RAD18: variants seen among roughly 807,000 people sequenced by gnomAD.
RAD18 encodes the protein RAD18 E3 ubiquitin protein ligase.
A neutral mutation model predicts 60.4 loss-of-function variants in RAD18; 47 were observed. That is an observed-to-expected ratio of 0.78 (90% confidence interval 0.62 to 0.99). The LOEUF (loss-of-function observed/expected upper bound fraction) is 0.99, where lower values mean the gene tolerates loss of function less well. Ranked by LOEUF, RAD18 falls within the 50% of genes least tolerant of loss-of-function variation. The pLI is 0.00. For synonymous variants in RAD18, 225 were observed against 195.5 expected (o/e 1.15, Z -1.26); for missense variants, 640 against 593.3 (o/e 1.08, Z -0.82).
chr3:8,890,481 G>C, intron 11 of RAD18, 30 bp from the exon 12 acceptor site: 1 of 1,473,894 alleles, frequency 6.8e-7, no homozygotes. Context: ...AGTATTGACA[G>C]ACAACAAGAA....
chr3:8,941,492 T>A lies in RAD18; in HGVS notation c.579A>T (p.Thr193=). The A allele has an allele frequency of 6.2e-7, 1 of 1,609,594 alleles. No homozygotes were observed. Among genetic ancestry groups the A allele is most frequent in the Non-Finnish European group, 8.5e-7 (1 of 1,177,104 alleles). Residue 193 remains threonine (T), a synonymous_variant, in exon 5 of 13, where the codon ACA becomes ACT. Transcript: ENST00000264926. ...CTTTAGTAACTTGTTTCAAAGTGGA[T>A]GTCGAGGGTGGCTCAGGACGCTTAG... ...SEAKRPEPPS[T]STLKQVTKVD...
chr3:8,909,623 T>C lies in RAD18; in HGVS notation c.1027+2689A>G, dbSNP rs375177706. Among the ~76,000 whole-genome samples the C allele has an allele frequency of 7.6e-4, 115 of 152,236 alleles. 1 individual carries two copies. In the South Asian group the frequency reaches 0.022, roughly 30 times the overall value. On this transcript the variant is annotated intron_variant, in intron 9 of 12. Transcript: ENST00000264926. ...ACAGCGGAAGAATACCTTTGAAAAT[T>C]TGGAGAAAAGTATCTTTTTAACCTA... is the stretch of plus-strand genomic sequence containing the variant.
intron 11 of RAD18, among the ~76,000 whole-genome samples, chr3:8,890,741 T>C (rs1273930262): frequency 1.3e-5 from 2 of 152,242 alleles, no homozygotes; most frequent in African/African-American, 2.4e-5. Flanking sequence ...CTGCCACCCC[T>C]ACTTCAACAG....
intron 12 of RAD18, among the ~76,000 whole-genome samples, chr3:8,888,616 C>T (rs941625508): frequency 1.3e-5 from 2 of 152,222 alleles, no homozygotes; most frequent in African/African-American, 4.8e-5. Flanking sequence ...AGAAGTTCTT[C>T]CTTAGAAGGA....
At position 8,919,668 on chromosome 3, in the gene RAD18, C is replaced by T. The variant is rs151303513; in HGVS notation, c.890-5948G>A. 6.2e-3 allele frequency among the ~76,000 whole-genome samples: 945 copies of T among 152,276 alleles called. 6 individuals are homozygous for T. The highest frequency in any genetic ancestry group is 0.022 in the African/African-American group (898 of 41,552). ...TCCCAGCTTCATCTGCTCAAATAGCCTAGAAGCAAAGACACCAAGTAGCAA... is the reference window on the plus strand; with the variant it reads ...TCCCAGCTTCATCTGCTCAAATAGCTTAGAAGCAAAGACACCAAGTAGCAA... On this transcript the variant is annotated intron_variant, in intron 7 of 12. Transcript: ENST00000264926.
chr3:8,941,784 G>C lies in RAD18; in HGVS notation c.287C>G (p.Ala96Gly). ...NFARNHLLQF[A>G]LESPAKSPAS... ...AGGAGATTTGGCTGGTGACTCTAAA[G>C]CAAACTGCAGCAGATGATTCCTTGA... The change falls in exon 5 of 13, where the codon GCT becomes GGT. Residue 96 changes from alanine (A) to glycine (G), a missense_variant. Coordinates refer to ENST00000264926, the MANE Select transcript of RAD18 (RefSeq NM_020165.4). The C allele has an allele frequency of 6.2e-7, 1 of 1,612,582 alleles. No homozygotes were observed. The highest frequency in any genetic ancestry group is 8.5e-7 in the Non-Finnish European group (1 of 1,179,072).
At position 8,939,643 on chromosome 3, in the gene RAD18, A is replaced by G; in HGVS notation, c.615T>C (p.Pro205=). 6.2e-7 allele frequency: 1 copy of G among 1,610,822 alleles called. No individual in the cohort carries two copies. Among genetic ancestry groups the G allele is most frequent in the Non-Finnish European group, 8.5e-7 (1 of 1,177,762 alleles). Residue 205 remains proline (P), a synonymous_variant, in exon 6 of 13, where the codon CCT becomes CCC. Coordinates refer to ENST00000264926, the MANE Select transcript of RAD18 (RefSeq NM_020165.4). ...TLKQVTKVDC[P]VCGVNIPESH... ...TTTCTGGAATGTTAACCCCGCAAAC[A>G]GGACAATCCACTGTATTTTTTAAAA... is the stretch of plus-strand genomic sequence containing the variant.
chr3:8,883,615 C>T lies in RAD18; in HGVS notation c.1386-2156G>A, dbSNP rs45606233. On this transcript the variant is annotated intron_variant, in intron 12 of 12. Coordinates refer to ENST00000264926, the MANE Select transcript of RAD18 (RefSeq NM_020165.4). ...ACTCAGTGGACAACTCTGCCTTAGC[C>T]TTTACTTCCTGCTTGCACACAGCCT... is the stretch of plus-strand genomic sequence containing the variant. 6.7e-3 allele frequency among the ~76,000 whole-genome samples: 1,021 copies of T among 152,202 alleles called. 7 individuals carry two copies. Among genetic ancestry groups the T allele is most frequent in the African/African-American group, 0.024 (978 of 41,504 alleles).
rs543028764 is a variant in RAD18, at chr3:8,904,875, T to G, written c.1028-2355A>C. Among the ~76,000 whole-genome samples, 5 of 152,314 alleles carry G rather than the reference T, an allele frequency of 3.3e-5. 1 individual carries two copies. The East Asian group carries it at 9.6e-4, about 29-fold the overall frequency. ...CAAGAAATTTGCTAAAGTAATCACA[T>G]TAACAGTTAAGGAGACTTAATGACT... On this transcript the variant is annotated intron_variant, in intron 9 of 12. Transcript: ENST00000264926.
At chr3:8,939,474 G>T (rs1466280715) in intron 6 of RAD18, 80 bp downstream of exon 6, 2 of 1,177,242 alleles carry the variant, frequency 1.7e-6, no homozygotes, top group Non-Finnish European at 2.5e-6. Context: ...CAGGATAAAA[G>T]GAATACTGTA....
chr3:8,904,072 T>C (rs1939962471), intron 9 of RAD18, among the ~76,000 whole-genome samples: 1 of 152,174 alleles, frequency 6.6e-6, no homozygotes, highest in Admixed American at 6.5e-5. Flanking sequence ...CAAAATCCTG[T>C]TGGGTGGAGG....
In RAD18 at chr3:8,936,052, A is replaced by G. The variant is rs753752729; in HGVS notation, c.708T>C (p.Ser236=). The stretch of plus-strand genomic sequence containing the variant: ...TGGGCAGCGGCTTCCTTTTGTGAAC[A>G]GAACTGAAAAGGGGGGAAGATACCT... ...REEKKESLRS[S]VHKRKPLPKT... is the part of the protein sequence containing the mutation. Residue 236 remains serine (S), a synonymous_variant, in exon 7 of 13, where the codon TCT becomes TCC. Coordinates refer to ENST00000264926, the MANE Select transcript of RAD18 (RefSeq NM_020165.4). 1 of 1,545,566 alleles carries G rather than the reference A, an allele frequency of 6.5e-7. No individual in the cohort carries two copies. Among genetic ancestry groups the G allele is most frequent in the South Asian group, 1.2e-5 (1 of 80,148 alleles).
chr3:8,878,532 T>C lies in RAD18; in HGVS notation c.*2825A>G, dbSNP rs1025027747. ...TTGAAATCCATTGTTTTTGGGTTTT[T>C]TTCCAGAAACAGTTCTAGCCTTCTC... On this transcript the variant is annotated 3_prime_UTR_variant, in exon 13 of 13. Transcript: ENST00000264926. 4 of 152,334 alleles carry C rather than the reference T, an allele frequency of 2.6e-5. No homozygotes were observed. The highest frequency in any genetic ancestry group is 2.0e-4 in the Admixed American group (3 of 15,312). The allele number at this position is 152,334 out of a possible 1,614,324, so 9.4% of individuals were successfully genotyped here.
At chr3:8,921,972 C>T (rs1218821908) in intron 7 of RAD18, among the ~76,000 whole-genome samples, 1 of 152,076 alleles carries the variant, frequency 6.6e-6, no homozygotes, top group Non-Finnish European at 1.5e-5. Flanking sequence ...CCAAGATGGC[C>T]GAATAGGAAC....
chr3:8,911,548 G>T (rs341773), intron 9 of RAD18, among the ~76,000 whole-genome samples: 103,071 of 152,016 alleles, frequency 0.68, 35,316 homozygotes, highest in Middle Eastern at 0.75. Flanking sequence ...CTCCTCTAGG[G>T]TCCTTTTCCT....
At position 8,958,915 on chromosome 3, in the gene RAD18, CTTACAG is replaced by C. The variant is rs778061801; in HGVS notation, c.132_133+4del. ...TACTAACTCACAGGAACAAAACATA[CTTACAG>C]TTATGTGAACACTGAGGTATTATCA... On this transcript the variant is annotated splice_donor_variant and splice_donor_region_variant and coding_sequence_variant and intron_variant, in exon 2 of 13. Transcript: ENST00000264926. LOFTEE classifies it high-confidence loss of function. 128 of 1,607,438 alleles carry C rather than the reference CTTACAG, an allele frequency of 8.0e-5. No homozygotes were observed. Among genetic ancestry groups the C allele is most frequent in the Non-Finnish European group, 1.0e-4 (122 of 1,174,354 alleles).
chr3:8,948,870 T>C (rs186505690), intron 2 of RAD18, among the ~76,000 whole-genome samples: 4 of 152,320 alleles, frequency 2.6e-5, no homozygotes, highest in Non-Finnish European at 2.9e-5. Context: ...CTGGGTACTG[T>C]ATAAACCTGC....
chr3:8,879,879 T>C lies in RAD18; in HGVS notation c.*1478A>G, dbSNP rs1040642738. 6.6e-6 allele frequency: 1 copy of C among 152,242 alleles called. No homozygotes were observed. The highest frequency in any genetic ancestry group is 1.5e-5 in the Non-Finnish European group (1 of 68,032). The allele number at this position is 152,242 out of a possible 1,614,324, so 9.4% of individuals were successfully genotyped here. ...ACTCCTTTTGCTGCAATTAAAGTAA[T>C]AATTACTTCCAGTTTAATTTATAGA... is the stretch of plus-strand genomic sequence containing the variant. On this transcript the variant is annotated 3_prime_UTR_variant, in exon 13 of 13. Transcript: ENST00000264926.
chr3:8,897,466 A>C (rs1440402660), intron 11 of RAD18, among the ~76,000 whole-genome samples: 1 of 152,224 alleles, frequency 6.6e-6, no homozygotes, highest in Non-Finnish European at 1.5e-5. Flanking sequence ...GCATGTCTTC[A>C]GCACAGCAAG....
Sources: gnomAD v4.1 joint callset for allele counts (sites outside exome capture counted in the v4.1 genomes callset) on GRCh38, gnomAD v4.1.1 for gene constraint, MANE v1.5 for transcripts, NCBI Gene and HGNC (gene_info 2026-07-23, HGNC 2026-07-21) for gene names.